RBFOX1: variants seen among roughly 807,000 people sequenced by gnomAD.
RBFOX1 encodes the protein RNA binding fox-1 homolog 1.
RBFOX1 carries 8 observed loss-of-function variants against 57.7 expected under a neutral mutation model. That is an observed-to-expected ratio of 0.14 (90% CI 0.08 to 0.25). The LOEUF (loss-of-function observed/expected upper bound fraction) is 0.25. RBFOX1 is among the 10% of genes least tolerant of loss of function. The probability of loss-of-function intolerance (pLI) is 1.00; values close to 1 mark genes in which losing one functional copy is unlikely to be tolerated. For synonymous variants in RBFOX1, 326 were observed against 222.4 expected, an observed-to-expected ratio of 1.47 and a Z score of -4.15; for missense variants, 611 against 548.5, an observed-to-expected ratio of 1.11 and a Z score of -1.14.
At position 5,598,890 on chromosome 16, in the gene RBFOX1, G is replaced by GT. The variant is rs1363606436; in HGVS notation, c.259-6dup. On this transcript the variant is annotated splice_polypyrimidine_tract_variant and intron_variant, in intron 2 of 2. Coordinates refer to the RBFOX1 transcript ENST00000585867. ...CCCCAACCTTTTTCTCTATTTGTTTGTTTTTTGCCAGGACTACAAGTCTGA... is the reference window on the plus strand; with the variant it reads ...CCCCAACCTTTTTCTCTATTTGTTTGTTTTTTTGCCAGGACTACAAGTCTGA... 9 of 1,495,194 alleles carry GT rather than the reference G, an allele frequency of 6.0e-6. No homozygotes were observed. The African/African-American group carries it at 9.9e-5, about 16-fold the overall frequency. The allele number at this position is 1,495,194 out of a possible 1,614,324, so 92.6% of individuals were successfully genotyped here. A position where few individuals can be genotyped will look rare whatever the true frequency, so the allele number is the denominator to read the frequency against.
intron 1 of RBFOX1, among the ~76,000 whole-genome samples, chr16:6,293,650 C>T (rs1398556448): frequency 6.6e-6 from 1 of 152,106 alleles, no homozygotes; most frequent in Non-Finnish European, 1.5e-5. Flanking sequence ...GGTGTGAATA[C>T]AAGATCATAG....
chr16:6,893,119 C>A (rs1311731126), intron 3 of RBFOX1, among the ~76,000 whole-genome samples: 1 of 152,128 alleles, frequency 6.6e-6, no homozygotes, highest in African/African-American at 2.4e-5. Flanking sequence ...TTCACAGGAG[C>A]TCACTGTCTG....
At chr16:6,546,907 A>G (rs539412832) in intron 2 of RBFOX1, among the ~76,000 whole-genome samples, 1 of 152,308 alleles carries the variant, frequency 6.6e-6, no homozygotes, top group East Asian at 1.9e-4. Flanking sequence ...TTTGTGGACC[A>G]CACAGTTTTC....
intron 3 of RBFOX1, among the ~76,000 whole-genome samples, chr16:5,605,385 G>A (rs2151222982): frequency 6.6e-6 from 1 of 152,334 alleles, no homozygotes; most frequent in Middle Eastern, 3.4e-3. Flanking sequence ...AGTCAGATGG[G>A]AGTGGAGGTT....
intron 12 of RBFOX1, among the ~76,000 whole-genome samples, chr16:7,662,137 C>T (rs72776853): frequency 0.013 from 2,045 of 152,264 alleles, 28 homozygotes; most frequent in Non-Finnish European, 0.023. Context: ...GCCTCCAAGG[C>T]CTGGGATCAA....
chr16:6,931,667 T>C (rs991596998), intron 3 of RBFOX1, among the ~76,000 whole-genome samples: 1 of 152,178 alleles, frequency 6.6e-6, no homozygotes, highest in South Asian at 2.1e-4. Context: ...AGAAAACTAA[T>C]GAAAGGCTCA....
In RBFOX1 at chr16:7,111,258, AAAAGTG is replaced by A. The variant is rs764491107; in HGVS notation, c.27+59167_27+59172del. 1.3e-3 allele frequency among the ~76,000 whole-genome samples: 203 copies of A among 152,326 alleles called. 1 individual carries two copies. Among genetic ancestry groups the A allele is most frequent in the Non-Finnish European group, 2.5e-3 (172 of 68,022 alleles). On this transcript the variant is annotated intron_variant, in intron 4 of 15. Coordinates refer to ENST00000550418, the MANE Select transcript of RBFOX1 (RefSeq NM_018723.4). ...AAGTATTTTAATTAACTTACACCGT[AAAAGTG>A]AAAGTGTAAAGCTTTGCTTTTCTTC...
chr16:5,276,765 C>T (rs2063151872), intron 1 of RBFOX1, among the ~76,000 whole-genome samples: 1 of 152,126 alleles, frequency 6.6e-6, no homozygotes, highest in Non-Finnish European at 1.5e-5. Flanking sequence ...AGTGAGACTT[C>T]ATCTCAAAAC....
At chr16:6,603,535 C>T (rs1269192310) in intron 2 of RBFOX1, among the ~76,000 whole-genome samples, 1 of 152,182 alleles carries the variant, frequency 6.6e-6, no homozygotes, top group African/African-American at 2.4e-5. Flanking sequence ...AGAAAACATG[C>T]ATGCCTTAGC....
intron 1 of RBFOX1, among the ~76,000 whole-genome samples, chr16:6,210,274 C>T (rs768120396): frequency 1.4e-4 from 19 of 139,860 alleles, no homozygotes; most frequent in Non-Finnish European, 2.0e-4. Context: ...GCTGAGATCA[C>T]GCATTGCATT....
intron 3 of RBFOX1, among the ~76,000 whole-genome samples, chr16:6,846,505 A>T (rs2093761601): frequency 6.6e-6 from 1 of 152,194 alleles, no homozygotes; most frequent in Admixed American, 6.5e-5. Context: ...CAGCAAATGA[A>T]ACAAAATGTG....
chr16:6,031,318 G>A (rs961675687), intron 1 of RBFOX1, among the ~76,000 whole-genome samples: 3 of 152,152 alleles, frequency 2.0e-5, no homozygotes, highest in Admixed American at 6.5e-5. Flanking sequence ...AGCGTGCCTG[G>A]GGTGGTGAGA....
intron 3 of RBFOX1, among the ~76,000 whole-genome samples, chr16:6,988,288 A>T (rs549135929): frequency 7.2e-5 from 11 of 152,278 alleles, no homozygotes; most frequent in African/African-American, 2.6e-4. Flanking sequence ...ATAGACCTTT[A>T]GAGCAGTGTA....
At chr16:6,854,337 T>C (rs2057396886) in intron 3 of RBFOX1, among the ~76,000 whole-genome samples, 1 of 152,030 alleles carries the variant, frequency 6.6e-6, no homozygotes, top group African/African-American at 2.4e-5. Context: ...GTACAAATTA[T>C]GGAACCTATG....
chr16:5,529,470 C>G (rs534000804), intron 2 of RBFOX1, among the ~76,000 whole-genome samples: 12 of 150,626 alleles, frequency 8.0e-5, no homozygotes, highest in African/African-American at 2.4e-4. Flanking sequence ...GATCTCAGCT[C>G]ACTGCATCCT....
At chr16:6,788,176 C>G (rs990352783) in intron 3 of RBFOX1, among the ~76,000 whole-genome samples, 16 of 152,108 alleles carry the variant, frequency 1.1e-4, no homozygotes, top group African/African-American at 3.9e-4. Flanking sequence ...GAGCTGAGAT[C>G]GTGCCAGTGC....
intron 4 of RBFOX1, among the ~76,000 whole-genome samples, chr16:7,413,447 G>A (rs866334372): frequency 9.9e-5 from 15 of 152,082 alleles, no homozygotes; most frequent in Non-Finnish European, 1.5e-4. Flanking sequence ...ATGGGGCCCA[G>A]AAACTTTGCA....
intron 1 of RBFOX1, among the ~76,000 whole-genome samples, chr16:6,034,331 C>CA (rs757260576): frequency 0.19 from 6,926 of 36,968 alleles, 1,563 homozygotes; most frequent in Non-Finnish European, 0.2. Flanking sequence ...GACTGTTGCG[C>CA]AAAAAAAAAA....
At chr16:6,318,578 G>C (rs1054821628) in intron 2 of RBFOX1, among the ~76,000 whole-genome samples, 2 of 152,082 alleles carry the variant, frequency 1.3e-5, no homozygotes, top group Non-Finnish European at 2.9e-5. Flanking sequence ...TTCTGAATAT[G>C]ATTGAAATTG....
Sources: allele counts gnomAD v4.1 joint callset (sites outside exome capture counted in the v4.1 genomes callset), GRCh38; gene constraint gnomAD v4.1.1; transcripts MANE v1.5; gene names NCBI Gene and HGNC (gene_info 2026-07-23, HGNC 2026-07-21).